The following ADAM29 variants were observed in gnomAD, a reference collection of about 807,000 sequenced individuals.
ADAM29 encodes disintegrin and metalloproteinase domain-containing protein 29.
For missense variants in ADAM29, 969 were observed against 1,001.8 expected (o/e 0.97, Z 0.44); for synonymous variants, 367 against 342.3 (o/e 1.07, Z -0.80).
chr4:174,969,130 A>G (rs892666696), intron 4 of ADAM29, among the ~76,000 whole-genome samples: 3 of 151,706 alleles, frequency 2.0e-5, no homozygotes, highest in Non-Finnish European at 2.9e-5. Flanking sequence ...AAAAATTAAC[A>G]TCATCTTCTT....
chr4:174,977,152 A>T lies in ADAM29; in HGVS notation c.1627A>T (p.Lys543Ter). The T allele has an allele frequency of 1.2e-6, 2 of 1,614,090 alleles. No homozygotes were observed. The highest frequency in any genetic ancestry group is 1.7e-6 in the Non-Finnish European group (2 of 1,180,024). ...TGGTATCAAAAATGCTACATATATA[A>T]AGTGTAATATCTCAGATGTCCAGTG... is the stretch of plus-strand genomic sequence containing the variant. The part of the protein sequence containing the change: ...HCGIKNATYI[K>*]CNISDVQCGR... Residue 543 changes from lysine (K) to a stop codon, truncating the protein, a stop_gained, in exon 5 of 5, where the codon AAG becomes TAG. Transcript: ENST00000359240. LOFTEE classifies it low-confidence loss of function (END_TRUNC).
At chr4:174,951,586 A>C (rs1414861729) in intron 4 of ADAM29, among the ~76,000 whole-genome samples, 1 of 152,220 alleles carries the variant, frequency 6.6e-6, no homozygotes, top group Admixed American at 6.5e-5. Flanking sequence ...TTATGTTTCA[A>C]ATCTATCTTC....
chr4:174,974,027 G>A (rs1464855956), intron 4 of ADAM29, among the ~76,000 whole-genome samples: 1 of 152,192 alleles, frequency 6.6e-6, no homozygotes, highest in African/African-American at 2.4e-5. Context: ...ATCGAATGAC[G>A]GTTAGGTTAG....
rs70947476 is a variant in ADAM29 at position 174,952,350 on chromosome 4, C to CCACACA, written c.-181+15363_-181+15368dup. Among the ~76,000 whole-genome samples, 752 of 144,962 alleles carry CCACACA rather than the reference C, an allele frequency of 5.2e-3. 5 individuals carry two copies. The highest frequency in any genetic ancestry group is 0.018 in the African/African-American group (702 of 39,786). ...AAAATTTAGTATTACAGTGCAATAACCACACACACACACACACACACACAC... is the reference window on the plus strand; with the variant it reads ...AAAATTTAGTATTACAGTGCAATAACCACACACACACACACACACACACACACACAC... On this transcript the variant is annotated intron_variant, in intron 4 of 4. Transcript: ENST00000359240.
rs1746828833 is a variant in ADAM29, at chr4:174,976,677, T to C, written c.1152T>C (p.Cys384=). The C allele has an allele frequency of 7.4e-6, 12 of 1,613,842 alleles. No individual in the cohort carries two copies. Among genetic ancestry groups the C allele is most frequent in the African/African-American group, 1.3e-5 (1 of 74,926 alleles). The change falls in exon 5 of 5, where the codon TGT becomes TGC. Residue 384 remains cysteine, a synonymous_variant. Transcript: ENST00000359240. ...AATATACTGTAGAGAGGACAAAGTG[T>C]TTGCTTGAAACAGTACACACAAAGG... ...FWEYTVERTK[C]LLETVHTKDI...
chr4:174,957,007 G>T (rs1745546918), intron 4 of ADAM29, among the ~76,000 whole-genome samples: 1 of 151,680 alleles, frequency 6.6e-6, no homozygotes, highest in Non-Finnish European at 1.5e-5. Context: ...ACCTTTCTTT[G>T]CGTGCATCCA....
chr4:174,940,869 G>A (rs1298531380), intron 4 of ADAM29, among the ~76,000 whole-genome samples: 1 of 152,158 alleles, frequency 6.6e-6, no homozygotes, highest in Non-Finnish European at 1.5e-5. Context: ...AACTAGTAAA[G>A]GGAATCAGTC....
At chr4:174,972,013 C>T (rs1323606642) in intron 4 of ADAM29, among the ~76,000 whole-genome samples, 6 of 152,188 alleles carry the variant, frequency 3.9e-5, no homozygotes, top group Admixed American at 1.3e-4. Flanking sequence ...TCAGTTATTG[C>T]GTTCCTCAGC....
intron 4 of ADAM29, among the ~76,000 whole-genome samples, chr4:174,964,996 C>T (rs1225275187): frequency 6.6e-6 from 1 of 152,072 alleles, no homozygotes; most frequent in African/African-American, 2.4e-5. Flanking sequence ...GAGCCAGCTC[C>T]AGCAATTATT....
rs1318351629 is a variant in ADAM29 at position 174,975,558 on chromosome 4, G to T, written c.33G>T (p.Gly11=). ...TGTTACTCCTGCTGCATTGCCTTGG[G>T]GTGTTTCTGTCCTGTTCTGGACACA... MKMLLLLHCL[G]VFLSCSGHIQ... Residue 11 remains glycine, a synonymous_variant, in exon 5 of 5, where the codon GGG becomes GGT. Transcript: ENST00000359240. 1.3e-6 allele frequency: 2 copies of T among 1,529,862 alleles called. No individual in the cohort carries two copies. The highest frequency in any genetic ancestry group is 2.6e-5 in the South Asian group (2 of 77,012). The allele number at this position is 1,529,862 out of a possible 1,614,324, so 94.8% of individuals were successfully genotyped here.
intron 4 of ADAM29, among the ~76,000 whole-genome samples, chr4:174,964,418 G>A (rs1477349732): frequency 6.6e-6 from 1 of 152,022 alleles, no homozygotes; most frequent in Admixed American, 6.5e-5. Flanking sequence ...AAAATAAATT[G>A]TTTAGGCCAC....
In ADAM29 at chr4:174,976,204, G is replaced by A; in HGVS notation, c.679G>A (p.Val227Ile). The A allele has an allele frequency of 8.1e-6, 13 of 1,607,126 alleles. No individual in the cohort carries two copies. The highest frequency in any genetic ancestry group is 1.0e-5 in the Non-Finnish European group (12 of 1,177,722). ...NDSKLLEDLYVIVNIVDSILD... is the reference protein window; with the variant it reads ...NDSKLLEDLYIIVNIVDSILD... Reference sequence around the variant, plus strand: ...CTCAAAGTTGCTGGAGGATCTATATGTTATTGTTAATATAGTGGATTCCAT... The same window carrying A: ...CTCAAAGTTGCTGGAGGATCTATATATTATTGTTAATATAGTGGATTCCAT... Residue 227 changes from valine to isoleucine, a missense_variant, in exon 5 of 5, where the codon GTT becomes ATT. Val to Ile is a conservative substitution (Grantham distance 29). Transcript: ENST00000359240.
intron 4 of ADAM29, among the ~76,000 whole-genome samples, chr4:174,939,892 C>T (rs111791544): frequency 4.0e-4 from 61 of 152,200 alleles, no homozygotes; most frequent in Middle Eastern, 3.4e-3. Flanking sequence ...GTCAGTGTTG[C>T]AAATTTTATG....
At chr4:174,929,860 G>A (rs548640228) in intron 2 of ADAM29, among the ~76,000 whole-genome samples, 2 of 149,228 alleles carry the variant, frequency 1.3e-5, no homozygotes, top group Non-Finnish European at 3.0e-5. Flanking sequence ...GGGTTCAAGC[G>A]ATTCTTCTGT....
chr4:174,962,470 C>A (rs1745891580), intron 4 of ADAM29, among the ~76,000 whole-genome samples: 1 of 150,744 alleles, frequency 6.6e-6, no homozygotes, highest in East Asian at 1.9e-4. Context: ...CGAGATCGCG[C>A]CACTGCACTC....
At chr4:174,926,421 A>C (rs1300162817) in intron 2 of ADAM29, among the ~76,000 whole-genome samples, 1 of 152,076 alleles carries the variant, frequency 6.6e-6, no homozygotes, top group Non-Finnish European at 1.5e-5. Flanking sequence ...TTTAACTATG[A>C]AGATTTAATA....
chr4:174,976,135 G>A lies in ADAM29; in HGVS notation c.610G>A (p.Val204Ile). 1 of 1,613,458 alleles carries A rather than the reference G, an allele frequency of 6.2e-7. No individual in the cohort carries two copies. The highest frequency in any genetic ancestry group is 8.5e-7 in the Non-Finnish European group (1 of 1,179,920). Residue 204 changes from valine (V) to isoleucine (I), a missense_variant, in exon 5 of 5, where the codon GTC becomes ATC. Coordinates refer to ENST00000359240, the MANE Select transcript of ADAM29 (RefSeq NM_014269.4). ...CCATTTTAGGATTGTTGAAATTGTA[G>A]TCGTCATTGATAATTATCTGTACAT... Reference protein sequence around the residue: ...WIHFRIVEIVVVIDNYLYIRY... With the variant: ...WIHFRIVEIVIVIDNYLYIRY...
chr4:174,977,116 G>A lies in ADAM29; in HGVS notation c.1591G>A (p.Val531Ile). The change falls in exon 5 of 5, where the codon GTT becomes ATT. Residue 531 changes from valine to isoleucine, a missense_variant. Coordinates refer to ENST00000359240, the MANE Select transcript of ADAM29 (RefSeq NM_014269.4). ...YKELNTLGDR[V>I]GHCGIKNATY... ...AGAATTGAACACCTTAGGTGACCGT[G>A]TTGGTCACTGTGGTATCAAAAATGC... is the stretch of plus-strand genomic sequence containing the variant. 1 of 1,614,070 alleles carries A rather than the reference G, an allele frequency of 6.2e-7. No homozygotes were observed. The highest frequency in any genetic ancestry group is 8.5e-7 in the Non-Finnish European group (1 of 1,179,982).
At chr4:174,935,057 T>C (rs1040587424) in intron 3 of ADAM29, among the ~76,000 whole-genome samples, 1 of 152,174 alleles carries the variant, frequency 6.6e-6, no homozygotes, top group Admixed American at 6.5e-5. Flanking sequence ...ACTGTGTTCA[T>C]ATATTATAGG....
Sources: allele counts gnomAD v4.1 joint callset (sites outside exome capture counted in the v4.1 genomes callset), GRCh38; gene constraint gnomAD v4.1.1; transcripts MANE v1.5; gene names NCBI Gene and HGNC (gene_info 2026-07-23, HGNC 2026-07-21).